The following ATP6V1C2 variants were observed in gnomAD, a reference collection of about 807,000 sequenced individuals.
The protein encoded by ATP6V1C2 is ATPase H+ transporting V1 subunit C2.
Under a neutral mutation model 56.8 loss-of-function variants are expected in ATP6V1C2, and 45 were observed. The observed-to-expected ratio is 0.79, with a 90% CI of 0.62 to 1.02. The LOEUF (loss-of-function observed/expected upper bound fraction) is 1.02, where lower values mean the gene tolerates loss of function less well. ATP6V1C2 is among the 50% of genes least tolerant of loss of function. The pLI is 0.00. For synonymous variants in ATP6V1C2, 220 were observed against 201.3 expected, an observed-to-expected ratio of 1.09 and a Z score of -0.79; for missense variants, 463 against 519.7, an observed-to-expected ratio of 0.89 and a Z score of 1.06.
intron 11 of ATP6V1C2, 131 bp from the exon 12 acceptor site, chr2:10,778,441 G>A (rs1017492362): frequency 1.1e-5 from 9 of 800,232 alleles, no homozygotes; most frequent in Admixed American, 6.4e-5. Flanking sequence ...TGGTCTGACC[G>A]ACTCTCTGCT....
chr2:10,726,371 C>A, intron 2 of ATP6V1C2, 131 bp from the exon 3 acceptor site: 1 of 727,740 alleles, frequency 1.4e-6, no homozygotes. Context: ...GTTTTTTCTA[C>A]TTTCCACTTT....
At chr2:10,721,891 T>G (rs1223242628) in intron 1 of ATP6V1C2, among the ~76,000 whole-genome samples, 160 bp downstream of exon 1, 1 of 152,002 alleles carries the variant, frequency 6.6e-6, no homozygotes, top group Non-Finnish European at 1.5e-5. Flanking sequence ...TCTCCGCAGG[T>G]GCTGCGGCGG....
At chr2:10,740,250 T>G (rs191188926) in intron 3 of ATP6V1C2, among the ~76,000 whole-genome samples, 14 of 152,344 alleles carry the variant, frequency 9.2e-5, no homozygotes, top group Admixed American at 7.8e-4. Context: ...GCTTGGTTCG[T>G]GTACCTGGCA....
Position 10,784,198 on chromosome 2 carries a change from G to A in ATP6V1C2, c.*935G>A. The A allele has an allele frequency of 1.5e-6, 2 of 1,363,124 alleles. No individual in the cohort carries two copies. The highest frequency in any genetic ancestry group is 2.1e-6 in the Non-Finnish European group (2 of 966,026). The allele number at this position is 1,363,124 out of a possible 1,614,324, so 84.4% of individuals were successfully genotyped here. A position where few individuals can be genotyped will look rare whatever the true frequency, so the allele number is the denominator to read the frequency against. ...TGAGTGTAGAGAATGTCCCTTCACTGCTGGAAAAATCCACTGGCTCCCAAG... is the reference window on the plus strand; with the variant it reads ...TGAGTGTAGAGAATGTCCCTTCACTACTGGAAAAATCCACTGGCTCCCAAG... On this transcript the variant is annotated 3_prime_UTR_variant, in exon 14 of 14. Coordinates refer to ENST00000272238, the MANE Select transcript of ATP6V1C2 (RefSeq NM_001039362.2).
intron 11 of ATP6V1C2, 143 bp downstream of exon 11, chr2:10,777,865 C>T (rs1665098413): frequency 9.1e-7 from 1 of 1,096,282 alleles, no homozygotes; most frequent in Non-Finnish European, 1.3e-6. Flanking sequence ...CGGAATCATG[C>T]CTTCCTCCTA....
chr2:10,733,828 G>GTTGCTTGCCCCTGAGTGCTTCCCCTGTCA (rs1662104195), intron 3 of ATP6V1C2, among the ~76,000 whole-genome samples: 1 of 151,996 alleles, frequency 6.6e-6, no homozygotes, highest in South Asian at 2.1e-4. Flanking sequence ...TTCCCCTGTC[G>GTTGCTTGCCCCTGAGTGCTTCCCCTGTCA]TTGCTTGCCC....
At chr2:10,743,755 T>G (rs1662692663) in intron 3 of ATP6V1C2, among the ~76,000 whole-genome samples, 1 of 151,492 alleles carries the variant, frequency 6.6e-6, no homozygotes, top group Non-Finnish European at 1.5e-5. Flanking sequence ...GAGGCCGAGG[T>G]GGGTGGATCA....
At chr2:10,749,950 C>T (rs555880166) in intron 3 of ATP6V1C2, among the ~76,000 whole-genome samples, 3 of 152,232 alleles carry the variant, frequency 2.0e-5, no homozygotes, top group East Asian at 1.9e-4. Flanking sequence ...AGTCTTCTCC[C>T]GTGAAAAGGT....
chr2:10,724,452 T>G (rs902016209), intron 2 of ATP6V1C2, among the ~76,000 whole-genome samples: 2 of 152,122 alleles, frequency 1.3e-5, no homozygotes, highest in African/African-American at 4.8e-5. Flanking sequence ...TCTTGCTGCC[T>G]TTTTAAGCCT....
At chr2:10,727,111 C>T (rs1661688969) in intron 3 of ATP6V1C2, among the ~76,000 whole-genome samples, 1 of 146,668 alleles carries the variant, frequency 6.8e-6, no homozygotes, top group Non-Finnish European at 1.5e-5. Context: ...ACTCTGTTGC[C>T]CAGGCTGGAG....
chr2:10,754,867 G>A (rs1432661478), intron 4 of ATP6V1C2, among the ~76,000 whole-genome samples: 4 of 151,724 alleles, frequency 2.6e-5, no homozygotes, highest in African/African-American at 4.8e-5. Flanking sequence ...GTGAGCCACC[G>A]CGCCCGGCCT....
chr2:10,722,159 G>A (rs1352983251), intron 1 of ATP6V1C2, among the ~76,000 whole-genome samples: 1 of 152,168 alleles, frequency 6.6e-6, no homozygotes, highest in East Asian at 1.9e-4. Context: ...CTGTGAAGGA[G>A]CAGCACGAAT....
chr2:10,782,407 G>A (rs781580803), intron 13 of ATP6V1C2, 32 bp downstream of exon 13: 11 of 1,610,494 alleles, frequency 6.8e-6, no homozygotes, highest in Non-Finnish European at 9.3e-6. Flanking sequence ...TATTTCTACA[G>A]TAAGCTCAGC....
chr2:10,744,671 T>TTTC (rs1201378034), intron 3 of ATP6V1C2, among the ~76,000 whole-genome samples: 5 of 135,666 alleles, frequency 3.7e-5, no homozygotes, highest in Admixed American at 1.5e-4. Flanking sequence ...CTCTTTTTCT[T>TTTC]TTTTTTTTTT....
chr2:10,752,677 G>A (rs1572551884), intron 3 of ATP6V1C2, among the ~76,000 whole-genome samples: 2 of 152,086 alleles, frequency 1.3e-5, no homozygotes, highest in African/African-American at 2.4e-5. Context: ...GTAATAGAAC[G>A]GAGGCTCAAA....
intron 4 of ATP6V1C2, among the ~76,000 whole-genome samples, 161 bp from the exon 5 acceptor site, chr2:10,764,170 G>A (rs796550987): frequency 1.3e-5 from 2 of 152,288 alleles, no homozygotes; most frequent in African/African-American, 4.8e-5. Flanking sequence ...CCCCGCTCCC[G>A]CAGGGAACGT....
At chr2:10,760,241 G>A (rs150491318) in intron 4 of ATP6V1C2, among the ~76,000 whole-genome samples, 73 of 151,940 alleles carry the variant, frequency 4.8e-4, no homozygotes, top group African/African-American at 1.6e-3. Context: ...GTGATGGCGT[G>A]TGCCTGTAAT....
chr2:10,737,418 CA>C (rs111340144), intron 3 of ATP6V1C2, among the ~76,000 whole-genome samples: 53,192 of 116,358 alleles, frequency 0.46, 11,825 homozygotes, highest in African/African-American at 0.66. Flanking sequence ...GACTCTGTCT[CA>C]AAAAAAAAAA....
chr2:10,727,889 G>C (rs1426427176), intron 3 of ATP6V1C2, among the ~76,000 whole-genome samples: 1 of 152,130 alleles, frequency 6.6e-6, no homozygotes, highest in African/African-American at 2.4e-5. Context: ...GGGTGACAGA[G>C]CAAGACTCCG....
Sources: gnomAD v4.1 joint callset for allele counts (sites outside exome capture counted in the v4.1 genomes callset) on GRCh38, gnomAD v4.1.1 for gene constraint, MANE v1.5 for transcripts, NCBI Gene and HGNC (gene_info 2026-07-23, HGNC 2026-07-21) for gene names.